RIN3: variants seen among roughly 807,000 people sequenced by gnomAD.
RIN3 encodes RAB5 interacting protein 3.
A neutral mutation model predicts 76.3 loss-of-function variants in RIN3; 54 were observed. The observed-to-expected ratio is 0.71, with a 90% CI of 0.57 to 0.89. The LOEUF (loss-of-function observed/expected upper bound fraction) is 0.89, where lower values mean the gene tolerates loss of function less well. RIN3 is among the 40% of genes least tolerant of loss of function. The pLI is 0.00. For synonymous variants in RIN3, 576 were observed against 564.0 expected (o/e 1.02, Z -0.30); for missense variants, 1,256 against 1,322.1 (o/e 0.95, Z 0.78).
intron 4 of RIN3, among the ~76,000 whole-genome samples, chr14:92,624,920 G>C (rs1411582194): frequency 6.6e-6 from 1 of 152,130 alleles, no homozygotes; most frequent in Non-Finnish European, 1.5e-5. Flanking sequence ...TCAGTTGTTA[G>C]GAGCACTAGA....
intron 5 of RIN3, chr14:92,645,274 T>C (rs1157512153): frequency 6.6e-6 from 1 of 152,248 alleles, no homozygotes; most frequent in African/African-American, 2.4e-5. Flanking sequence ...CCTTGTATAG[T>C]CAGCATTTCA....
rs552280968 is a variant in RIN3 at position 92,514,404 on chromosome 14, C to T, written c.44+428C>T. Among the ~76,000 whole-genome samples, 13 of 152,324 alleles carry T rather than the reference C, an allele frequency of 8.5e-5. No homozygotes were observed. The South Asian group carries it at 2.7e-3, about 32-fold the overall frequency. On this transcript the variant is annotated intron_variant, in intron 1 of 9. Transcript: ENST00000216487. The surrounding 1 kb of genome is among the most constrained non-coding windows in gnomAD (Gnocchi z 7.2). ...ACCCGCTGCTCTGCGAGTCGCAGCG[C>T]GCGCCCTCGGGTACTAGAGCCCCGC...
At chr14:92,612,282 C>T (rs1174380920) in intron 3 of RIN3, among the ~76,000 whole-genome samples, 3 of 148,544 alleles carry the variant, frequency 2.0e-5, no homozygotes, top group Non-Finnish European at 4.5e-5. Flanking sequence ...GCAAGACACC[C>T]GGCCGGTGCA....
chr14:92,631,223 C>T (rs1216954182), intron 4 of RIN3, among the ~76,000 whole-genome samples: 1 of 152,156 alleles, frequency 6.6e-6, no homozygotes, highest in Non-Finnish European at 1.5e-5. Flanking sequence ...CACTTGGGGC[C>T]CGGGGGGCTG....
chr14:92,624,701 G>T (rs760816959), intron 4 of RIN3, among the ~76,000 whole-genome samples: 1 of 152,210 alleles, frequency 6.6e-6, no homozygotes, highest in Non-Finnish European at 1.5e-5. Flanking sequence ...GGGTGAGTCT[G>T]ATCTAGTTAC....
chr14:92,629,887 T>C (rs1227393454), intron 4 of RIN3, among the ~76,000 whole-genome samples: 1 of 152,246 alleles, frequency 6.6e-6, no homozygotes, highest in Admixed American at 6.5e-5. Flanking sequence ...CCTCACTGTG[T>C]GCATCCTGCA....
In RIN3 at chr14:92,659,326, C is replaced by G; in HGVS notation, c.2192C>G (p.Thr731Ser). The change falls in exon 7 of 10, where the codon ACC becomes AGC. Residue 731 changes from threonine (T) to serine (S), a missense_variant. By Grantham distance (58) the Thr-to-Ser change is moderately conservative. This residue lies in a region of RIN3 where 428 missense variants were observed against 521.2 expected (regional missense o/e 0.82). Coordinates refer to ENST00000216487, the MANE Select transcript of RIN3 (RefSeq NM_024832.5). The stretch of plus-strand genomic sequence containing the variant: ...ACCACCACTGACCTAGGTGTGACCA[C>G]CAGCGTGCCGGAGGTGCCCATGATG... ...ATTTTDLGVTTSVPEVPMMEK... is the reference protein window; with the variant it reads ...ATTTTDLGVTSSVPEVPMMEK... 6.2e-7 allele frequency: 1 copy of G among 1,612,668 alleles called. No individual in the cohort carries two copies. Among genetic ancestry groups the G allele is most frequent in the East Asian group, 2.2e-5 (1 of 44,886 alleles).
chr14:92,669,481 G>A (rs567308059), intron 7 of RIN3, among the ~76,000 whole-genome samples: 7 of 152,302 alleles, frequency 4.6e-5, no homozygotes, highest in African/African-American at 1.7e-4. Flanking sequence ...GGTCTTCAAG[G>A]AAGACTTCTG....
chr14:92,631,228 G>T (rs367833013), intron 4 of RIN3, among the ~76,000 whole-genome samples: 1 of 152,138 alleles, frequency 6.6e-6, no homozygotes, highest in Non-Finnish European at 1.5e-5. Flanking sequence ...GGGGCCCGGG[G>T]GGCTGGGCTG....
At chr14:92,588,647 G>A (rs1458905188) in intron 3 of RIN3, among the ~76,000 whole-genome samples, 2 of 152,082 alleles carry the variant, frequency 1.3e-5, no homozygotes, top group Non-Finnish European at 2.9e-5. Context: ...TGCATCAGGA[G>A]TTAGGTTTCA....
chr14:92,652,324 GC>G lies in RIN3; in HGVS notation c.1279del (p.Arg427GlyfsTer12). ...QGTSDGPEDT[P>X]RESTEQGQDT... Reference sequence around the variant, plus strand: ...GGACCTCAGACGGCCCTGAGGACACGCCCCGGGAGAGCACGGAGCAAGGCCA... The same window carrying G: ...GGACCTCAGACGGCCCTGAGGACACGCCCGGGAGAGCACGGAGCAAGGCCA... On this transcript the variant is annotated frameshift_variant, in exon 6 of 10. Transcript: ENST00000216487. LOFTEE classifies it high-confidence loss of function. This position sits in a 1 kb window ranked among gnomAD's most constrained non-coding sequence, Gnocchi z 6.4. 1.9e-6 allele frequency: 3 copies of G among 1,603,372 alleles called. No individual in the cohort carries two copies. Among genetic ancestry groups the G allele is most frequent in the Non-Finnish European group, 1.7e-6 (2 of 1,173,426 alleles).
intron 1 of RIN3, among the ~76,000 whole-genome samples, chr14:92,533,954 T>A (rs1301246699): frequency 6.6e-6 from 1 of 152,170 alleles, no homozygotes; most frequent in Non-Finnish European, 1.5e-5. Context: ...TACTGGATGA[T>A]ACAGGTAAAG....
chr14:92,638,945 A>G (rs1469079985), intron 4 of RIN3, among the ~76,000 whole-genome samples: 1 of 152,204 alleles, frequency 6.6e-6, no homozygotes, highest in Non-Finnish European at 1.5e-5. Flanking sequence ...AGCACTTCCC[A>G]AGGGGCCATG....
At chr14:92,579,923 G>A (rs141179287) in intron 3 of RIN3, among the ~76,000 whole-genome samples, 4 of 152,396 alleles carry the variant, frequency 2.6e-5, no homozygotes, top group African/African-American at 7.2e-5. Flanking sequence ...GTGTCAAAGA[G>A]GAAGAAGCCT....
In RIN3 at chr14:92,688,260, C is replaced by G. The variant is rs1345443436; in HGVS notation, c.*8C>G. On this transcript the variant is annotated 3_prime_UTR_variant, in exon 10 of 10. Coordinates refer to ENST00000216487, the MANE Select transcript of RIN3 (RefSeq NM_024832.5). ...GAGCCCAACTTCCTGTGAGGCCCTC[C>G]CGGGGCGCCTCCCCTCACCCCCAGG... 1 of 1,563,950 alleles carries G rather than the reference C, an allele frequency of 6.4e-7. No homozygotes were observed. The highest frequency in any genetic ancestry group is 2.3e-5 in the East Asian group (1 of 43,546).
chr14:92,528,494 G>A lies in RIN3; in HGVS notation c.44+14518G>A, dbSNP rs138783934. Among the ~76,000 whole-genome samples, 1,055 of 152,288 alleles carry A rather than the reference G, an allele frequency of 6.9e-3. 8 individuals are homozygous for A. The highest frequency in any genetic ancestry group is 0.024 in the African/African-American group (977 of 41,552). On this transcript the variant is annotated intron_variant, in intron 1 of 9. Coordinates refer to ENST00000216487, the MANE Select transcript of RIN3 (RefSeq NM_024832.5). Reference sequence around the variant, plus strand: ...GAACAGAGTCAAGAACGTAGTAGGCGTTGTTTCCATGGTCTTCTGAAGGGC... The same window carrying A: ...GAACAGAGTCAAGAACGTAGTAGGCATTGTTTCCATGGTCTTCTGAAGGGC...
chr14:92,646,612 G>T (rs1401346193), intron 5 of RIN3, among the ~76,000 whole-genome samples: 1 of 152,120 alleles, frequency 6.6e-6, no homozygotes, highest in African/African-American at 2.4e-5. Context: ...ACTAATTTTT[G>T]TATTTTTAGT....
chr14:92,688,325 G>A lies in RIN3; in HGVS notation c.*73G>A. On this transcript the variant is annotated 3_prime_UTR_variant, in exon 10 of 10. Transcript: ENST00000216487. ...CGCCTCTGGCTGCGCACTCCCGACC[G>A]CGACGTCCACGCAGCAGAGGGACAT... 4.4e-6 allele frequency: 6 copies of A among 1,366,130 alleles called. No individual in the cohort carries two copies. In the South Asian group the frequency reaches 7.2e-5, roughly 16 times the overall value. The allele number at this position is 1,366,130 out of a possible 1,614,324, so 84.6% of individuals were successfully genotyped here. A position where few individuals can be genotyped will look rare whatever the true frequency, so the allele number is the denominator to read the frequency against.
chr14:92,612,887 T>TAACC (rs1001735588), intron 3 of RIN3, among the ~76,000 whole-genome samples: 5 of 152,224 alleles, frequency 3.3e-5, no homozygotes, highest in African/African-American at 1.2e-4. Context: ...CAGTAGCAGC[T>TAACC]AACCCAGCAA....
Sources: allele counts gnomAD v4.1 joint callset (sites outside exome capture counted in the v4.1 genomes callset), GRCh38; gene constraint gnomAD v4.1.1; regional missense constraint gnomAD v4.1.1; non-coding constraint Gnocchi (gnomAD v3.1); transcripts MANE v1.5; gene names NCBI Gene and HGNC (gene_info 2026-07-23, HGNC 2026-07-21).